The following LTN1 variants were observed in gnomAD, a reference collection of about 807,000 sequenced individuals.
The protein encoded by LTN1 is listerin E3 ubiquitin protein ligase 1.
Under a neutral mutation model 201.2 loss-of-function variants are expected in LTN1, and 88 were observed. The observed-to-expected ratio is 0.44, with a 90% confidence interval of 0.37 to 0.52. The LOEUF is 0.52. LTN1 is among the 20% of genes least tolerant of loss of function. LTN1 has a pLI of 0.00. For synonymous variants in LTN1, 645 were observed against 713.5 expected (o/e 0.90, Z 1.53); for missense variants, 1,752 against 2,038.7 (o/e 0.86, Z 2.71).
At position 28,986,214 on chromosome 21, in the gene LTN1, C is replaced by T; in HGVS notation, c.270G>A (p.Met90Ile). ...KLKAMQEFGTMCTERDTETVK... is the reference protein window; with the variant it reads ...KLKAMQEFGTICTERDTETVK... Reference sequence around the variant, plus strand: ...CAGTTTCTGTGTCTCTCTCTGTACACATGGTTCCAAATTCCTGCATAGCCT... The same window carrying T: ...CAGTTTCTGTGTCTCTCTCTGTACATATGGTTCCAAATTCCTGCATAGCCT... Residue 90 changes from methionine to isoleucine, a missense_variant, in exon 3 of 30, where the codon ATG (methionine) becomes ATA (isoleucine). By Grantham distance (10) the Met-to-Ile change is conservative. Around this residue, in one of 3 missense-constraint regions of LTN1, gnomAD observed 280 missense variants for 375.7 expected, o/e 0.75. Coordinates refer to ENST00000361371, the MANE Select transcript of LTN1 (RefSeq NM_015565.3). The surrounding 1 kb of genome is among the most constrained non-coding windows in gnomAD (Gnocchi z 4.1). 1 of 1,611,886 alleles carries T rather than the reference C, an allele frequency of 6.2e-7. No homozygotes were observed. The highest frequency in any genetic ancestry group is 1.1e-5 in the South Asian group (1 of 91,004).
rs762046043 is a variant in LTN1 at position 28,947,574 on chromosome 21, G to A, written c.3377C>T (p.Thr1126Ile). ...CAAAAATGGACATAGACTTTGAATG[G>A]TATGCAAATTGCCTTCAGTTAGTGG... ...FFPLTEGNLHTIQSLCPFLSK... is the reference protein window; with the variant it reads ...FFPLTEGNLHIIQSLCPFLSK... The change falls in exon 19 of 30, where the codon ACC (threonine) becomes ATC (isoleucine). Residue 1126 changes from threonine (T) to isoleucine (I), a missense_variant. Thr to Ile is a moderately conservative substitution (Grantham distance 89). This residue lies in a region of LTN1 where 1,211 missense variants were observed against 1,312.8 expected (regional missense o/e 0.92). Coordinates refer to ENST00000361371, the MANE Select transcript of LTN1 (RefSeq NM_015565.3). 4 of 1,571,568 alleles carry A rather than the reference G, an allele frequency of 2.5e-6. No individual in the cohort carries two copies. The highest frequency in any genetic ancestry group is 2.8e-5 in the African/African-American group (2 of 72,424).
At position 28,967,101 on chromosome 21, in the gene LTN1, G is replaced by C; in HGVS notation, c.1390C>G (p.Leu464Val). 6.2e-7 allele frequency: 1 copy of C among 1,614,084 alleles called. No homozygotes were observed. The highest frequency in any genetic ancestry group is 8.5e-7 in the Non-Finnish European group (1 of 1,179,978). The change falls in exon 10 of 30, where the codon CTA (leucine) becomes GTA (valine). Residue 464 changes from leucine to valine, a missense_variant. By Grantham distance (32) the Leu-to-Val change is conservative. Around this residue, in one of 3 missense-constraint regions of LTN1, gnomAD observed 1,211 missense variants for 1,312.8 expected, o/e 0.92. Transcript: ENST00000361371. The part of the protein sequence containing the change: ...GQLFNHLAET[L>V]SSWEAKADTE... Reference sequence around the variant, plus strand: ...TCTGCTTTGGCTTCCCAGGAACTTAGAGTTTCTGCTAAATGGTTAAATAGC... The same window carrying C: ...TCTGCTTTGGCTTCCCAGGAACTTACAGTTTCTGCTAAATGGTTAAATAGC...
At chr21:28,969,973 T>C (rs2084560156) in intron 8 of LTN1, among the ~76,000 whole-genome samples, 1 of 152,150 alleles carries the variant, frequency 6.6e-6, no homozygotes, top group African/African-American at 2.4e-5. Context: ...GCACCACGCC[T>C]AGCCGAGATA....
At chr21:28,965,760 G>C in intron 11 of LTN1, 105 bp downstream of exon 11, 1 of 651,176 alleles carries the variant, frequency 1.5e-6, no homozygotes, top group African/African-American at 1.9e-5. Flanking sequence ...CTCTAACACA[G>C]AACCTGACTA....
intron 11 of LTN1, chr21:28,960,940 C>A: frequency 3.3e-6 from 1 of 299,130 alleles, no homozygotes; most frequent in East Asian, 8.2e-5. Context: ...TATTCCCCCA[C>A]CCCCCCCTTT....
At chr21:28,969,407 G>A (rs868584482) in intron 9 of LTN1, 59 bp downstream of exon 9, 1 of 1,422,102 alleles carries the variant, frequency 7.0e-7, no homozygotes, top group Non-Finnish European at 9.4e-7. Flanking sequence ...AAGACACAAT[G>A]AGCTTGATCC....
At chr21:28,985,014 G>A in intron 3 of LTN1, 92 bp from the exon 4 acceptor site, 1 of 805,744 alleles carries the variant, frequency 1.2e-6, no homozygotes, top group Non-Finnish European at 2.0e-6. Context: ...CCATTACCAA[G>A]AATTCACCTA....
chr21:28,931,864 T>A (rs144095161), intron 28 of LTN1, among the ~76,000 whole-genome samples: 63 of 152,014 alleles, frequency 4.1e-4, no homozygotes, highest in African/African-American at 1.5e-3. Context: ...ATTAGCCAGG[T>A]GTGGTGGCGG....
intron 11 of LTN1, chr21:28,964,693 T>G: frequency 6.4e-7 from 1 of 1,550,444 alleles, no homozygotes; most frequent in Non-Finnish European, 8.7e-7. Context: ...GGCTAGGAAC[T>G]TCCAATCACT....
intron 16 of LTN1, among the ~76,000 whole-genome samples, chr21:28,954,515 C>T (rs893924315): frequency 2.6e-5 from 4 of 152,050 alleles, no homozygotes; most frequent in Admixed American, 2.0e-4. Context: ...AATTAGAGCC[C>T]GATGAAATAC....
chr21:28,946,090 G>A (rs1481277163), intron 20 of LTN1, 62 bp downstream of exon 20: 2 of 1,488,442 alleles, frequency 1.3e-6, no homozygotes, highest in African/African-American at 2.8e-5. Flanking sequence ...TTGTGACACA[G>A]ATACGTAATC....
chr21:28,937,942 G>GT (rs2084268997), intron 25 of LTN1, among the ~76,000 whole-genome samples: 1 of 152,116 alleles, frequency 6.6e-6, no homozygotes, highest in African/African-American at 2.4e-5. Context: ...AACTTGTGCA[G>GT]TAAGTACTAT....
intron 6 of LTN1, among the ~76,000 whole-genome samples, chr21:28,978,812 A>G (rs993323049): frequency 1.1e-4 from 16 of 152,354 alleles, no homozygotes; most frequent in African/African-American, 3.8e-4. Context: ...AGAGAACTCC[A>G]AAGAAGGAAA....
intron 25 of LTN1, among the ~76,000 whole-genome samples, chr21:28,938,920 G>A (rs890645588): frequency 1.3e-5 from 2 of 152,108 alleles, no homozygotes; most frequent in African/African-American, 4.8e-5. Context: ...AGAGGAAATG[G>A]GAAGTGATTG....
At chr21:28,987,931 C>T (rs2084711022) in intron 1 of LTN1, among the ~76,000 whole-genome samples, 1 of 151,798 alleles carries the variant, frequency 6.6e-6, no homozygotes, top group Non-Finnish European at 1.5e-5. Context: ...ATCACGAGGT[C>T]AGGAGTTCGA....
chr21:28,943,578 T>G, intron 23 of LTN1, 89 bp downstream of exon 23: 2 of 1,058,670 alleles, frequency 1.9e-6, no homozygotes, highest in Non-Finnish European at 1.4e-6. Flanking sequence ...TTTTAAAAAT[T>G]TTACTTTAAA....
chr21:28,939,256 TATA>T (rs1472442245), intron 25 of LTN1, among the ~76,000 whole-genome samples: 1 of 152,164 alleles, frequency 6.6e-6, no homozygotes, highest in East Asian at 1.9e-4. Flanking sequence ...TGCCATTTTA[TATA>T]AGGAACTTGA....
At chr21:28,946,000 CA>C (rs1246811443) in intron 20 of LTN1, 49 bp from the exon 21 acceptor site, 5 of 1,521,868 alleles carry the variant, frequency 3.3e-6, no homozygotes, top group Admixed American at 2.0e-5. Context: ...TATTGACATT[CA>C]ATTAGAAAGT....
chr21:28,983,550 G>A (rs1458703517), intron 4 of LTN1, among the ~76,000 whole-genome samples: 1 of 152,202 alleles, frequency 6.6e-6, no homozygotes, highest in Admixed American at 6.5e-5. Flanking sequence ...CTACAATCAA[G>A]TTATGTGTTG....
Sources: allele counts gnomAD v4.1 joint callset (sites outside exome capture counted in the v4.1 genomes callset), GRCh38; gene constraint gnomAD v4.1.1; regional missense constraint gnomAD v4.1.1; non-coding constraint Gnocchi (gnomAD v3.1); transcripts MANE v1.5; gene names NCBI Gene and HGNC (gene_info 2026-07-23, HGNC 2026-07-21).